CD99L2: variants seen among roughly 807,000 people sequenced by gnomAD.
CD99L2 encodes the protein CD99 antigen-like protein 2.
In CD99L2, 24 loss-of-function variants were observed where a neutral mutation model predicts 27.3. The observed-to-expected ratio is 0.88, with a 90% CI of 0.64 to 1.24. CD99L2 has a LOEUF of 1.24. Among genes scored for constraint, CD99L2 ranks in the 50% most tolerant of loss-of-function variants. CD99L2 has a pLI of 0.00. For missense variants in CD99L2, 255 were observed against 221.6 expected (o/e 1.15, Z -0.96); for synonymous variants, 97 against 87.9 (o/e 1.10, Z -0.58).
chrX:150,804,332 G>A (rs181725121), intron 4 of CD99L2, among the ~76,000 whole-genome samples: 55 of 111,970 alleles, frequency 4.9e-4, no homozygotes, highest in African/African-American at 1.7e-3. Flanking sequence ...AAATCAAAAG[G>A]GAAATCAAAA....
At chrX:150,873,325 G>A (rs183723530) in intron 1 of CD99L2, among the ~76,000 whole-genome samples, 7 of 112,064 alleles carry the variant, frequency 6.2e-5, no homozygotes, top group African/African-American at 1.9e-4. Context: ...AGCCACATAC[G>A]GTATGAGTCC....
Position 150,859,487 on chromosome X carries a change from G to A in CD99L2, c.68-28194C>T, listed in dbSNP as rs182485505. ...GCACTCCAGCCCAGGCAACAACAGC[G>A]AAACTCTGTCTCTTTTTTTTTTTTT... On this transcript the variant is annotated intron_variant, in intron 1 of 10. Coordinates refer to ENST00000370377, the MANE Select transcript of CD99L2 (RefSeq NM_031462.4). Among the ~76,000 whole-genome samples the A allele has an allele frequency of 5.5e-3, 554 of 100,446 alleles. 7 individuals are homozygous for A. The highest frequency in any genetic ancestry group is 0.016 in the Middle Eastern group (3 of 189). The allele number at this position is 100,446 out of a possible 115,157, so 87.2% of individuals were successfully genotyped here. A position where few individuals can be genotyped will look rare whatever the true frequency, so the allele number is the denominator to read the frequency against.
intron 1 of CD99L2, among the ~76,000 whole-genome samples, chrX:150,875,700 G>A: frequency 8.9e-6 from 1 of 112,130 alleles, no homozygotes; most frequent in Non-Finnish European, 1.9e-5. Flanking sequence ...GACCTGGTGG[G>A]AGGTAACTGA....
At position 150,766,680 on chromosome X, in the gene CD99L2, G is replaced by A. The variant is rs781793087; in HGVS notation, c.*2354C>T. ...TTCAGTCCACTGTGTCTCCCCTCTC[G>A]CTTGGGACAGGCCCATGCTGGCCAG... On this transcript the variant is annotated 3_prime_UTR_variant, in exon 11 of 11. Coordinates refer to ENST00000370377, the MANE Select transcript of CD99L2 (RefSeq NM_031462.4). The A allele has an allele frequency of 3.6e-5, 4 of 112,607 alleles. No homozygotes were observed. Among genetic ancestry groups the A allele is most frequent in the Admixed American group, 2.8e-4 (3 of 10,706 alleles). The allele number at this position is 112,607 out of a possible 1,213,427, so 9.3% of individuals were successfully genotyped here. A position where few individuals can be genotyped will look rare whatever the true frequency, so the allele number is the denominator to read the frequency against.
chrX:150,845,114 C>T (rs782288577), intron 1 of CD99L2, among the ~76,000 whole-genome samples: 15 of 112,006 alleles, frequency 1.3e-4, no homozygotes, highest in Admixed American at 1.9e-4. Flanking sequence ...TTCCTTTTCA[C>T]ACAGAAACGT....
At chrX:150,778,570 T>C (rs1179981039) in intron 7 of CD99L2, among the ~76,000 whole-genome samples, 12 of 107,355 alleles carry the variant, frequency 1.1e-4, no homozygotes, top group African/African-American at 4.1e-4. Context: ...GAAACTGCTC[T>C]AAAAAATAAA....
At chrX:150,856,653 T>C (rs782427587) in intron 1 of CD99L2, among the ~76,000 whole-genome samples, 164 of 109,084 alleles carry the variant, frequency 1.5e-3, no homozygotes, top group Non-Finnish European at 2.5e-3. Flanking sequence ...AAACAAACTA[T>C]AGTGAGAGAA....
chrX:150,802,123 T>C (rs1487554169), intron 4 of CD99L2, among the ~76,000 whole-genome samples: 1 of 111,975 alleles, frequency 8.9e-6, no homozygotes, highest in Non-Finnish European at 1.9e-5. Context: ...GACATGATCA[T>C]GTACATAGAA....
intron 1 of CD99L2, among the ~76,000 whole-genome samples, chrX:150,858,827 GGAAA>G (rs782037622): frequency 2.1e-4 from 23 of 110,763 alleles, no homozygotes; most frequent in African/African-American, 7.2e-4. Flanking sequence ...ATTAGTAGAA[GGAAA>G]GAAAGAAAGA....
At chrX:150,797,600 A>T (rs1241274313) in intron 4 of CD99L2, among the ~76,000 whole-genome samples, 1 of 112,695 alleles carries the variant, frequency 8.9e-6, no homozygotes, top group Non-Finnish European at 1.9e-5. Flanking sequence ...ATGGAATTTC[A>T]AGGAATCTCA....
chrX:150,778,685 A>AATATATATATAT (rs374603167), intron 7 of CD99L2, among the ~76,000 whole-genome samples: 3 of 81,532 alleles, frequency 3.7e-5, no homozygotes, highest in African/African-American at 1.5e-4. Flanking sequence ...AAAAAAAAAA[A>AATATATATATAT]ATATATATAT....
At chrX:150,879,760 A>T (rs2047294364) in intron 1 of CD99L2, among the ~76,000 whole-genome samples, 1 of 96,716 alleles carries the variant, frequency 1.0e-5, no homozygotes, top group Admixed American at 1.1e-4. Context: ...TAAAAAAAAA[A>T]AAAAAAAAAA....
At chrX:150,836,044 T>C (rs782536876) in intron 1 of CD99L2, among the ~76,000 whole-genome samples, 2 of 111,727 alleles carry the variant, frequency 1.8e-5, no homozygotes, top group Admixed American at 9.5e-5. Flanking sequence ...TTTTTCACAA[T>C]AGAATTTGTC....
At chrX:150,800,316 A>G (rs1216114389) in intron 4 of CD99L2, among the ~76,000 whole-genome samples, 2 of 111,791 alleles carry the variant, frequency 1.8e-5, no homozygotes, top group Non-Finnish European at 3.8e-5. Context: ...TAACAGCTGC[A>G]TAACATTGTG....
At chrX:150,897,102 A>G (rs2047623771) in intron 1 of CD99L2, among the ~76,000 whole-genome samples, 1 of 112,533 alleles carries the variant, frequency 8.9e-6, no homozygotes, top group African/African-American at 3.2e-5. Flanking sequence ...ATTAGATGCA[A>G]GTCAATCAAA....
chrX:150,791,096 C>G lies in CD99L2; in HGVS notation c.496+2595G>C, dbSNP rs138257015. 6.7e-3 allele frequency among the ~76,000 whole-genome samples: 749 copies of G among 111,803 alleles called. 9 individuals are homozygous for G. The highest frequency in any genetic ancestry group is 0.054 in the East Asian group (190 of 3,534). On this transcript the variant is annotated intron_variant, in intron 7 of 10. Transcript: ENST00000370377. ...CTCCAAAAGAGGATGCAGATCCTCA[C>G]TGGATACTGTATCTATCCATGACTT...
chrX:150,844,973 G>A (rs781849314), intron 1 of CD99L2, among the ~76,000 whole-genome samples: 2 of 112,247 alleles, frequency 1.8e-5, no homozygotes, highest in East Asian at 2.8e-4. Flanking sequence ...ACTTATTCCC[G>A]GGAAGTATCT....
At chrX:150,772,188 G>A (rs1557419105) in intron 9 of CD99L2, among the ~76,000 whole-genome samples, 2 of 112,782 alleles carry the variant, frequency 1.8e-5, no homozygotes, top group Admixed American at 1.9e-4. Context: ...TTCTGGCCCG[G>A]GCCAGGTGCC....
At chrX:150,785,656 C>T (rs1239801793) in intron 7 of CD99L2, among the ~76,000 whole-genome samples, 1 of 111,553 alleles carries the variant, frequency 9.0e-6, no homozygotes, top group African/African-American at 3.3e-5. Context: ...CTTATTCACA[C>T]ACCTAACCCC....
Sources: gnomAD v4.1 joint callset for allele counts (sites outside exome capture counted in the v4.1 genomes callset) on GRCh38, gnomAD v4.1.1 for gene constraint, MANE v1.5 for transcripts, NCBI Gene and HGNC (gene_info 2026-07-23, HGNC 2026-07-21) for gene names.